CRIM1: variants seen among roughly 807,000 people sequenced by gnomAD.
The protein encoded by CRIM1 is cysteine rich transmembrane BMP regulator 1.
A neutral mutation model predicts 116.4 loss-of-function variants in CRIM1; 32 were observed. The ratio of observed to expected loss-of-function variants is 0.27; its 90% CI spans 0.21 to 0.37. The LOEUF is 0.37. Among genes scored for constraint, CRIM1 ranks in the 10% least tolerant of loss-of-function variants. The pLI, the probability that CRIM1 is intolerant of heterozygous loss-of-function variation, is 1.00. For synonymous variants in CRIM1, 590 were observed against 509.2 expected (o/e 1.16, Z -2.13); for missense variants, 1,331 against 1,354.8 (o/e 0.98, Z 0.28).
At position 36,504,940 on chromosome 2, in the gene CRIM1, T is replaced by C. The variant is rs1038582093; in HGVS notation, c.1502-5043T>C. Among the ~76,000 whole-genome samples, 5 of 152,334 alleles carry C rather than the reference T, an allele frequency of 3.3e-5. No individual in the cohort carries two copies. The East Asian group carries it at 9.6e-4, about 29-fold the overall frequency. On this transcript the variant is annotated intron_variant, in intron 8 of 16. Transcript: ENST00000280527. ...AACATTCTTTAATTGTAGACATTAA[T>C]AGTGCTTTTTCTAGAAACTGATGCA...
intron 4 of CRIM1, among the ~76,000 whole-genome samples, chr2:36,449,235 C>A (rs746867044): frequency 6.6e-6 from 1 of 152,154 alleles, no homozygotes; most frequent in Non-Finnish European, 1.5e-5. Context: ...GGCTGTATCA[C>A]TCTCCTGTTT....
At chr2:36,485,561 T>C (rs1679750815) in intron 7 of CRIM1, among the ~76,000 whole-genome samples, 1 of 152,218 alleles carries the variant, frequency 6.6e-6, no homozygotes, top group East Asian at 1.9e-4. Flanking sequence ...CAGGCACATA[T>C]CTGGGTGGGA....
chr2:36,390,515 C>T (rs577707813), intron 1 of CRIM1, among the ~76,000 whole-genome samples: 38 of 152,228 alleles, frequency 2.5e-4, no homozygotes, highest in Non-Finnish European at 2.6e-4. Flanking sequence ...TCATGTGGAA[C>T]GGTGTTACCA....
At chr2:36,516,909 T>C (rs1432771942) in intron 11 of CRIM1, among the ~76,000 whole-genome samples, 2 of 152,150 alleles carry the variant, frequency 1.3e-5, no homozygotes, top group African/African-American at 2.4e-5. Context: ...AAGGAATAAA[T>C]GAAATAACAC....
chr2:36,517,426 C>G lies in CRIM1; in HGVS notation c.2090C>G (p.Ser697Cys). The G allele has an allele frequency of 1.2e-6, 2 of 1,614,220 alleles. No homozygotes were observed. Among genetic ancestry groups the G allele is most frequent in the South Asian group, 1.1e-5 (1 of 91,082 alleles). The change falls in exon 12 of 17, where the codon TCC (serine) becomes TGC (cysteine). Residue 697 changes from serine to cysteine, a missense_variant. Ser to Cys is a moderately radical substitution (Grantham distance 112). Around this residue, in one of 3 missense-constraint regions of CRIM1, gnomAD observed 358 missense variants for 436.1 expected, o/e 0.82. Coordinates refer to ENST00000280527, the MANE Select transcript of CRIM1 (RefSeq NM_016441.3). ...GAAGGAGAAACGTGGAACATTGACT[C>G]CTGTACTCAGTGCACCTGCCACAGC... ...FVEGETWNIDSCTQCTCHSGR... is the reference protein window; with the variant it reads ...FVEGETWNIDCCTQCTCHSGR...
At chr2:36,538,893 C>A (rs1666746198) in intron 14 of CRIM1, among the ~76,000 whole-genome samples, 1 of 152,166 alleles carries the variant, frequency 6.6e-6, no homozygotes, top group African/African-American at 2.4e-5. Context: ...ATACCAGTTT[C>A]CCCAGTAATA....
At chr2:36,381,123 C>G (rs1019386087) in intron 1 of CRIM1, among the ~76,000 whole-genome samples, 1 of 152,240 alleles carries the variant, frequency 6.6e-6, no homozygotes, top group South Asian at 2.1e-4. Context: ...CCCTACCCCC[C>G]ACACAGGAAT....
chr2:36,548,689 C>CCAAA lies in CRIM1; in HGVS notation c.3102_3105dup (p.Val1036AsnfsTer8), dbSNP rs753202728. ...ACCATCTACAGGCAGACAATTTCTA[C>CCAAA]CAAACAGTGTGAAGAAAGGCAACTA... is the stretch of plus-strand genomic sequence containing the variant. On this transcript the variant is annotated frameshift_variant, in exon 17 of 17. Transcript: ENST00000280527. LOFTEE classifies it high-confidence loss of function. The CCAAA allele has an allele frequency of 6.9e-6, 11 of 1,588,978 alleles. No individual in the cohort carries two copies. The highest frequency in any genetic ancestry group is 2.7e-5 in the African/African-American group (2 of 73,364).
At chr2:36,506,660 C>T (rs935825483) in intron 8 of CRIM1, among the ~76,000 whole-genome samples, 1 of 152,094 alleles carries the variant, frequency 6.6e-6, no homozygotes, top group Non-Finnish European at 1.5e-5. Context: ...ATCACTTTCT[C>T]TTCAATCGTA....
intron 13 of CRIM1, among the ~76,000 whole-genome samples, chr2:36,526,862 G>A (rs915755181): frequency 3.9e-5 from 6 of 152,188 alleles, no homozygotes; most frequent in African/African-American, 1.4e-4. Context: ...CATCATACCT[G>A]TTGACTTTGG....
chr2:36,437,114 G>A (rs1243146249), intron 2 of CRIM1, among the ~76,000 whole-genome samples: 3 of 152,184 alleles, frequency 2.0e-5, no homozygotes, highest in Non-Finnish European at 2.9e-5. Flanking sequence ...GGTGGCGCAC[G>A]CCTGTCATCC....
chr2:36,545,036 A>G (rs1667220041), intron 15 of CRIM1, among the ~76,000 whole-genome samples: 2 of 152,132 alleles, frequency 1.3e-5, no homozygotes, highest in African/African-American at 4.8e-5. Flanking sequence ...CGTAATAAAG[A>G]TGTTATTTTG....
In CRIM1 at chr2:36,441,396, C is replaced by T. The variant is rs1365013220; in HGVS notation, c.644C>T (p.Ala215Val). 6.2e-7 allele frequency: 1 copy of T among 1,614,234 alleles called. No individual in the cohort carries two copies. Among genetic ancestry groups the T allele is most frequent in the Admixed American group, 1.7e-5 (1 of 60,034 alleles). ...CCCAGCCGCTGCGTGTGCAACCCCG[C>T]AGGCTGTCTGCGCAAAGTCTGCCAG... ...PLPSRCVCNP[A>V]GCLRKVCQPG... is the part of the protein sequence containing the mutation. The change falls in exon 3 of 17, where the codon GCA becomes GTA. Residue 215 changes from alanine (A) to valine (V), a missense_variant. Ala to Val is a moderately conservative substitution (Grantham distance 64). Around this residue, in one of 3 missense-constraint regions of CRIM1, gnomAD observed 690 missense variants for 676.0 expected, o/e 1.02. Coordinates refer to ENST00000280527, the MANE Select transcript of CRIM1 (RefSeq NM_016441.3).
chr2:36,356,284 C>G lies in CRIM1; in HGVS notation c.-9C>G. 2.8e-6 allele frequency: 4 copies of G among 1,451,722 alleles called. No homozygotes were observed. Among genetic ancestry groups the G allele is most frequent in the Non-Finnish European group, 2.7e-6 (3 of 1,092,150 alleles). The allele number at this position is 1,451,722 out of a possible 1,614,324, so 89.9% of individuals were successfully genotyped here. On this transcript the variant is annotated 5_prime_UTR_variant, in exon 1 of 17. Coordinates refer to ENST00000280527, the MANE Select transcript of CRIM1 (RefSeq NM_016441.3). The surrounding 1 kb of genome is among the most constrained non-coding windows in gnomAD (Gnocchi z 4.3). ...GGCTGCGAGGAGGAGGCGGCGGCGG[C>G]GCAGGAGGATGTACTTGGTGGCGGG...
At position 36,510,004 on chromosome 2, in the gene CRIM1, G is replaced by A. The variant is rs530926274; in HGVS notation, c.1523G>A (p.Arg508His). 36 of 1,613,888 alleles carry A rather than the reference G, an allele frequency of 2.2e-5. No homozygotes were observed. Among genetic ancestry groups the A allele is most frequent in the Admixed American group, 5.0e-5 (3 of 59,986 alleles). Reference sequence around the variant, plus strand: ...ACAGCCGAGGAACTATGTTCAGAACGTAAACAAGGCTGCACCTTGAACTGT... The same window carrying A: ...ACAGCCGAGGAACTATGTTCAGAACATAAACAAGGCTGCACCTTGAACTGT... Reference protein sequence around the residue: ...CINTEELCSERKQGCTLNCPF... With the variant: ...CINTEELCSEHKQGCTLNCPF... The change falls in exon 9 of 17, where the codon CGT becomes CAT. Residue 508 changes from arginine (R) to histidine (H), a missense_variant. Arg to His is a conservative substitution (Grantham distance 29). Transcript: ENST00000280527.
intron 1 of CRIM1, among the ~76,000 whole-genome samples, chr2:36,381,882 G>C (rs1274566652): frequency 1.3e-5 from 2 of 152,234 alleles, no homozygotes; most frequent in Non-Finnish European, 2.9e-5. Flanking sequence ...GGCAAAGATA[G>C]GGTCACTGGG....
At chr2:36,411,590 A>C (rs376516952) in intron 2 of CRIM1, among the ~76,000 whole-genome samples, 10 of 152,194 alleles carry the variant, frequency 6.6e-5, no homozygotes, top group African/African-American at 2.4e-4. Flanking sequence ...ATAAGCACAT[A>C]TACATCCATG....
intron 1 of CRIM1, among the ~76,000 whole-genome samples, chr2:36,368,751 G>A (rs1214094154): frequency 6.6e-6 from 1 of 152,160 alleles, no homozygotes. Flanking sequence ...CTCACTTTCA[G>A]CGCAGTTACC....
intron 2 of CRIM1, 144 bp from the exon 3 acceptor site, chr2:36,441,112 TAA>T: frequency 9.1e-7 from 1 of 1,101,684 alleles, no homozygotes; most frequent in Non-Finnish European, 1.3e-6. Flanking sequence ...CATTGTTAGT[TAA>T]ACTAAGTTTG....
Sources: allele counts gnomAD v4.1 joint callset (sites outside exome capture counted in the v4.1 genomes callset), GRCh38; gene constraint gnomAD v4.1.1; regional missense constraint gnomAD v4.1.1; non-coding constraint Gnocchi (gnomAD v3.1); transcripts MANE v1.5; gene names NCBI Gene and HGNC (gene_info 2026-07-23, HGNC 2026-07-21).